SLC5A11: variants seen among roughly 807,000 people sequenced by gnomAD.
SLC5A11 encodes the protein sodium/myo-inositol cotransporter 2.
In SLC5A11, 48 loss-of-function variants were observed where a neutral mutation model predicts 69.8. That is an observed-to-expected ratio of 0.69 (90% confidence interval 0.55 to 0.87). The LOEUF is 0.87. Ranked by LOEUF, SLC5A11 falls within the 40% of genes least tolerant of loss-of-function variation. The pLI, the probability that SLC5A11 is intolerant of heterozygous loss-of-function variation, is 0.00. For missense variants in SLC5A11, 784 were observed against 866.1 expected, an observed-to-expected ratio of 0.91 and a Z score of 1.19; for synonymous variants, 319 against 342.4, an observed-to-expected ratio of 0.93 and a Z score of 0.75.
chr16:24,886,630 G>A (rs2048419119), intron 8 of SLC5A11, among the ~76,000 whole-genome samples: 1 of 152,064 alleles, frequency 6.6e-6, no homozygotes. Flanking sequence ...CAAAATCGAT[G>A]AACAAGATCT....
chr16:24,882,147 G>A (rs1003126033), intron 7 of SLC5A11, among the ~76,000 whole-genome samples: 1 of 152,184 alleles, frequency 6.6e-6, no homozygotes, highest in Non-Finnish European at 1.5e-5. Flanking sequence ...TATGAGGGCA[G>A]GGAACATGCC....
Position 24,875,628 on chromosome 16 carries a change from T to C in SLC5A11, c.374T>C (p.Val125Ala), listed in dbSNP as rs1304838905. ...TGAAATCTCAGCTCTGGCCCTCAGG[T>C]CACCACGATGCCAGAATACCTACGG... The change falls in exon 6 of 16, where the codon GTC (valine) becomes GCC (alanine). Residue 125 changes from valine (V) to alanine (A), a missense_variant and splice_region_variant. Coordinates refer to ENST00000347898, the Ensembl canonical transcript of SLC5A11. 2.5e-6 allele frequency: 4 copies of C among 1,613,000 alleles called. No individual in the cohort carries two copies. The African/African-American group carries it at 4.0e-5, about 16-fold the overall frequency.
At chr16:24,886,227 G>T (rs1166360759) in intron 8 of SLC5A11, among the ~76,000 whole-genome samples, 1 of 152,076 alleles carries the variant, frequency 6.6e-6, no homozygotes, top group Non-Finnish European at 1.5e-5. Flanking sequence ...TAGGGACGGG[G>T]TTTCACCATC....
intron 4 of SLC5A11, among the ~76,000 whole-genome samples, chr16:24,871,692 G>A (rs559794099): frequency 3.5e-4 from 54 of 152,222 alleles, no homozygotes; most frequent in African/African-American, 1.2e-3. Flanking sequence ...GCAGAGAGGC[G>A]CCTGGCATAC....
chr16:24,876,732 T>C (rs1040068934), intron 6 of SLC5A11, among the ~76,000 whole-genome samples: 11 of 152,082 alleles, frequency 7.2e-5, no homozygotes, highest in Non-Finnish European at 1.0e-4. Context: ...GGAAGTTACA[T>C]CCCAGGAGGA....
At chr16:24,850,686 G>A (rs1013553908) in intron 1 of SLC5A11, among the ~76,000 whole-genome samples, 3 of 152,214 alleles carry the variant, frequency 2.0e-5, no homozygotes, top group African/African-American at 2.4e-5. Context: ...CCTTAGACCC[G>A]GCCTCAGCTT....
chr16:24,859,222 G>A lies in SLC5A11; in HGVS notation c.135+444G>A, dbSNP rs563215040. On this transcript the variant is annotated intron_variant, in intron 2 of 15. Transcript: ENST00000347898. Reference sequence around the variant, plus strand: ...CCTCTGTTGCTCAGGGTACTAGAACGCAGTGGTGGCAATCATAGCTCACTC... The same window carrying A: ...CCTCTGTTGCTCAGGGTACTAGAACACAGTGGTGGCAATCATAGCTCACTC... 1.4e-4 allele frequency: 22 copies of A among 152,442 alleles called. No individual in the cohort carries two copies. In the South Asian group the frequency reaches 3.1e-3, roughly 22 times the overall value. 9.4% of individuals were successfully genotyped at this position (152,442 alleles called of 1,614,324 possible).
At chr16:24,875,209 C>G (rs1486854108) in intron 5 of SLC5A11, among the ~76,000 whole-genome samples, 2 of 152,152 alleles carry the variant, frequency 1.3e-5, no homozygotes, top group African/African-American at 4.8e-5. Context: ...GAGGCAGGGT[C>G]TCCCTGTCAC....
chr16:24,909,145 G>A (rs910044902), intron 14 of SLC5A11, 49 bp downstream of exon 15: 11 of 1,585,012 alleles, frequency 6.9e-6, no homozygotes, highest in Non-Finnish European at 9.5e-6. Context: ...TGTTGGAAGT[G>A]ACAGAAAACT....
chr16:24,890,872 T>C, exon 9 of SLC5A11: 1 of 1,614,066 alleles, frequency 6.2e-7, no homozygotes. Flanking sequence ...ATTCTAGGTT[T>C]CGCCGCGGTT....
intron 1 of SLC5A11, among the ~76,000 whole-genome samples, chr16:24,856,436 A>G (rs2059531679): frequency 6.6e-6 from 1 of 151,638 alleles, no homozygotes; most frequent in African/African-American, 2.4e-5. Context: ...CAGCCTGGGG[A>G]ACATAGGGAA....
intron 1 of SLC5A11, among the ~76,000 whole-genome samples, chr16:24,857,458 TAGA>T (rs2059585179): frequency 6.6e-6 from 1 of 152,234 alleles, no homozygotes; most frequent in South Asian, 2.1e-4. Context: ...TTACAGAGGT[TAGA>T]AGTTCTAAAT....
At chr16:24,856,972 C>T (rs1402737974) in intron 1 of SLC5A11, among the ~76,000 whole-genome samples, 1 of 151,968 alleles carries the variant, frequency 6.6e-6, no homozygotes, top group African/African-American at 2.4e-5. Flanking sequence ...AGGCATGCGC[C>T]ACCACACCCA....
intron 8 of SLC5A11, 30 bp downstream of exon 9, chr16:24,884,161 G>C: frequency 6.2e-7 from 1 of 1,601,138 alleles, no homozygotes; most frequent in Non-Finnish European, 8.6e-7. Flanking sequence ...CACTGGGGCG[G>C]ACAACAGCAC....
At chr16:24,888,783 C>CCT (rs2048570752) in intron 8 of SLC5A11, among the ~76,000 whole-genome samples, 1 of 45,740 alleles carries the variant, frequency 2.2e-5, no homozygotes, top group African/African-American at 7.7e-5. Flanking sequence ...CGTGCCTGTC[C>CCT]TTTTTTTTTT....
At chr16:24,898,073 G>T (rs962587602) in exon 10 of SLC5A11, 5 of 1,614,144 alleles carry the variant, frequency 3.1e-6, no homozygotes, top group Non-Finnish European at 4.2e-6. Flanking sequence ...CTTCATAATG[G>T]TGTTCCCTGG....
chr16:24,877,623 G>A (rs1352553266), intron 7 of SLC5A11, among the ~76,000 whole-genome samples: 4 of 152,246 alleles, frequency 2.6e-5, no homozygotes, highest in African/African-American at 9.6e-5. Flanking sequence ...GCCGAGGCAG[G>A]TGGATCACTT....
chr16:24,851,435 C>T (rs1212010914), intron 1 of SLC5A11, among the ~76,000 whole-genome samples: 7 of 151,992 alleles, frequency 4.6e-5, no homozygotes, highest in Non-Finnish European at 8.8e-5. Flanking sequence ...CTGAGGCAGG[C>T]GAATCGCTTG....
At chr16:24,853,226 TAATA>T (rs1329986477) in intron 1 of SLC5A11, among the ~76,000 whole-genome samples, 1 of 152,012 alleles carries the variant, frequency 6.6e-6, no homozygotes, top group African/African-American at 2.4e-5. Flanking sequence ...AGATGGTGCC[TAATA>T]AATGTTTGTT....
Sources: gnomAD v4.1 joint callset for allele counts (sites outside exome capture counted in the v4.1 genomes callset) on GRCh38, gnomAD v4.1.1 for gene constraint, MANE v1.5 for transcripts, NCBI Gene and HGNC (gene_info 2026-07-23, HGNC 2026-07-21) for gene names.